Variants in CFAP251 observed in about 807,000 individuals in gnomAD.
The protein encoded by CFAP251 is cilia- and flagella-associated protein 251.
A neutral mutation model predicts 126.7 loss-of-function variants in CFAP251; 93 were observed. The ratio of observed to expected loss-of-function variants is 0.73; its 90% CI spans 0.62 to 0.87. The LOEUF (loss-of-function observed/expected upper bound fraction) is 0.87. CFAP251 is among the 40% of genes least tolerant of loss of function. The pLI, the probability that CFAP251 is intolerant of heterozygous loss-of-function variation, is 0.00. For missense variants in CFAP251, 1,287 were observed against 1,389.2 expected, an observed-to-expected ratio of 0.93 and a Z score of 1.17; for synonymous variants, 503 against 506.9, an observed-to-expected ratio of 0.99 and a Z score of 0.10.
intron 19 of CFAP251, among the ~76,000 whole-genome samples, chr12:121,982,209 ATT>A (rs879531460): frequency 2.8e-5 from 4 of 144,224 alleles, no homozygotes; most frequent in Admixed American, 6.9e-5. Context: ...CTTGTTCAGG[ATT>A]TTTTTTTTTT....
At chr12:121,945,394 A>G (rs1881281958) in intron 7 of CFAP251, among the ~76,000 whole-genome samples, 1 of 151,458 alleles carries the variant, frequency 6.6e-6, no homozygotes, top group African/African-American at 2.4e-5. Context: ...CCCAGGCTGG[A>G]GTGCGGTGGC....
intron 14 of CFAP251, 32 bp downstream of exon 14, chr12:121,960,790 C>T: frequency 6.2e-7 from 1 of 1,609,360 alleles, no homozygotes; most frequent in Middle Eastern, 2.2e-4. Flanking sequence ...GACCTGGTCG[C>T]CAAGACTGTG....
rs57842636 is a variant in CFAP251, at chr12:121,928,626, G to GTATATA, written c.748-3115_748-3110dup. ...ACCCTAGATAATTTTATGTATATGT[G>GTATATA]TATATATATACGTATATATATATAT... On this transcript the variant is annotated intron_variant, in intron 3 of 21. Coordinates refer to ENST00000288912, the MANE Select transcript of CFAP251 (RefSeq NM_144668.6). Among the ~76,000 whole-genome samples, 42 of 43,180 alleles carry GTATATA rather than the reference G, an allele frequency of 9.7e-4. 2 individuals are homozygous for GTATATA. The highest frequency in any genetic ancestry group is 8.4e-3 in the East Asian group (16 of 1,904). 28.3% of individuals were successfully genotyped at this position (43,180 alleles called of 152,430 possible).
intron 19 of CFAP251, among the ~76,000 whole-genome samples, chr12:121,986,052 C>T (rs1002713474): frequency 6.6e-6 from 1 of 152,084 alleles, no homozygotes; most frequent in African/African-American, 2.4e-5. Flanking sequence ...TAGGCAATGG[C>T]GTGATCTCGG....
chr12:122,003,615 A>C (rs562113168), intron 21 of CFAP251, 37 bp from the exon 22 acceptor site: 1 of 1,524,240 alleles, frequency 6.6e-7, no homozygotes, highest in Non-Finnish European at 9.1e-7. Flanking sequence ...CATAATCATC[A>C]TGAAGGCATT....
At chr12:121,919,665 A>G (rs1318070259) in intron 1 of CFAP251, among the ~76,000 whole-genome samples, 1 of 152,162 alleles carries the variant, frequency 6.6e-6, no homozygotes, top group African/African-American at 2.4e-5. Flanking sequence ...CAATGCTAGG[A>G]CAAGCTGACA....
intron 16 of CFAP251, among the ~76,000 whole-genome samples, chr12:121,967,568 G>A (rs191043023): frequency 5.3e-5 from 8 of 152,298 alleles, no homozygotes; most frequent in Admixed American, 3.9e-4. Flanking sequence ...CGGGCGTGGT[G>A]GTGGGCGCCT....
chr12:121,999,646 T>A, intron 19 of CFAP251, 70 bp from the exon 20 acceptor site: 1 of 1,304,352 alleles, frequency 7.7e-7, no homozygotes, highest in South Asian at 1.4e-5. Flanking sequence ...TACTGTCCAA[T>A]TTTTAGAAAT....
intron 2 of CFAP251, 110 bp from the exon 3 acceptor site, chr12:121,923,512 T>A: frequency 7.2e-7 from 1 of 1,398,284 alleles, no homozygotes; most frequent in Non-Finnish European, 9.6e-7. Flanking sequence ...AAACATTTCA[T>A]AATTCCTAGG....
chr12:121,954,334 G>A lies in CFAP251; in HGVS notation c.1535G>A (p.Ser512Asn). 1 of 1,601,126 alleles carries A rather than the reference G, an allele frequency of 6.2e-7. No homozygotes were observed. Among genetic ancestry groups the A allele is most frequent in the Non-Finnish European group, 8.5e-7 (1 of 1,173,868 alleles). The change falls in exon 10 of 22, where the codon AGC becomes AAC. Residue 512 changes from serine (S) to asparagine (N), a missense_variant and splice_region_variant. Physicochemically the swap from Ser to Asn is conservative, Grantham distance 46. Transcript: ENST00000288912. ...EGITVLTTID[S>N]YIVTGDIKGN... ...ATCACGGTACTTACCACAATTGATA[G>A]GTAATTTTAACTTAATTAAAAGATA... is the stretch of plus-strand genomic sequence containing the variant.
At chr12:121,968,831 C>T (rs1160967785) in intron 17 of CFAP251, 8 of 951,278 alleles carry the variant, frequency 8.4e-6, no homozygotes, top group Non-Finnish European at 1.0e-5. Flanking sequence ...GCACCTAGTA[C>T]AGAGCAAAGT....
intron 7 of CFAP251, among the ~76,000 whole-genome samples, chr12:121,943,379 G>A (rs1881201798): frequency 6.6e-6 from 1 of 152,138 alleles, no homozygotes; most frequent in South Asian, 2.1e-4. Context: ...GTAGAGTTGT[G>A]TTATGTTGCA....
intron 19 of CFAP251, among the ~76,000 whole-genome samples, chr12:121,979,566 T>C (rs200824158): frequency 1.6e-3 from 208 of 129,852 alleles, no homozygotes; most frequent in African/African-American, 5.0e-3. Flanking sequence ...TCTTCTTCTT[T>C]TTTTTTTTTT....
chr12:121,954,357 A>G, intron 10 of CFAP251, 23 bp downstream of exon 10: 2 of 1,559,634 alleles, frequency 1.3e-6, no homozygotes, highest in Non-Finnish European at 1.7e-6. Context: ...TAATTAAAAG[A>G]TAACTATGGA....
At chr12:121,929,645 C>T (rs1199691183) in intron 3 of CFAP251, among the ~76,000 whole-genome samples, 1 of 151,942 alleles carries the variant, frequency 6.6e-6, no homozygotes, top group African/African-American at 2.4e-5. Context: ...CCGATCCATC[C>T]CTCCCTTCCT....
Position 121,931,869 on chromosome 12 carries a change from A to G in CFAP251, c.871A>G (p.Asn291Asp). 1 of 1,574,966 alleles carries G rather than the reference A, an allele frequency of 6.3e-7. No homozygotes were observed. The highest frequency in any genetic ancestry group is 8.6e-7 in the Non-Finnish European group (1 of 1,162,650). ...TAIIYNVFRNNQYHLQGHANI... is the reference protein window; with the variant it reads ...TAIIYNVFRNDQYHLQGHANI... ...GATCATCTACAACGTGTTCAGGAAC[A>G]ATCAATACCACCTTCAGGTATGCAG... The change falls in exon 4 of 22, where the codon AAT (asparagine) becomes GAT (aspartate). Residue 291 changes from asparagine (N) to aspartate (D), a missense_variant. Asn to Asp is a conservative substitution (Grantham distance 23). Coordinates refer to ENST00000288912, the MANE Select transcript of CFAP251 (RefSeq NM_144668.6).
At chr12:121,997,675 A>G (rs1434973226) in intron 19 of CFAP251, 1 of 150,130 alleles carries the variant, frequency 6.7e-6, no homozygotes, top group Admixed American at 6.6e-5. Context: ...TCTTAATCCT[A>G]TTATAATTGG....
At chr12:121,958,198 A>G (rs996731591) in intron 11 of CFAP251, 74 bp from the exon 12 acceptor site, 1 of 1,582,740 alleles carries the variant, frequency 6.3e-7, no homozygotes, top group South Asian at 1.1e-5. Flanking sequence ...TTTATGTGCA[A>G]TTAGAAGCAG....
intron 19 of CFAP251, among the ~76,000 whole-genome samples, chr12:121,995,952 C>A (rs1883013331): frequency 6.6e-6 from 1 of 152,016 alleles, no homozygotes; most frequent in Non-Finnish European, 1.5e-5. Context: ...AAGGAAGTGC[C>A]CCAAATCTCA....
Sources: gnomAD v4.1 joint callset for allele counts (sites outside exome capture counted in the v4.1 genomes callset) on GRCh38, gnomAD v4.1.1 for gene constraint, MANE v1.5 for transcripts, NCBI Gene and HGNC (gene_info 2026-07-23, HGNC 2026-07-21) for gene names.